The following SARAF variants were observed in gnomAD, a reference collection of about 807,000 sequenced individuals.
The protein encoded by SARAF is store-operated calcium entry-associated regulatory factor.
Under a neutral mutation model 39.7 loss-of-function variants are expected in SARAF, and 23 were observed. The ratio of observed to expected loss-of-function variants is 0.58; its 90% CI spans 0.42 to 0.82. The LOEUF (loss-of-function observed/expected upper bound fraction) is 0.82, where lower values mean the gene tolerates loss of function less well. SARAF is among the 40% of genes least tolerant of loss of function. The pLI is 0.00. For missense variants in SARAF, 384 were observed against 418.5 expected, an observed-to-expected ratio of 0.92 and a Z score of 0.72; for synonymous variants, 175 against 168.5, an observed-to-expected ratio of 1.04 and a Z score of -0.30.
At chr8:30,082,705 C>G (rs530914150) in intron 1 of SARAF, 142 bp downstream of exon 1, 61 of 601,502 alleles carry the variant, frequency 1.0e-4, no homozygotes, top group African/African-American at 9.9e-4. Flanking sequence ...AGGGAGAGCA[C>G]GAACAGCAAA....
intron 3 of SARAF, among the ~76,000 whole-genome samples, chr8:30,068,368 T>A (rs1801740680): frequency 6.6e-6 from 1 of 152,200 alleles, no homozygotes; most frequent in Non-Finnish European, 1.5e-5. Context: ...ATCTAATGCC[T>A]GATGATCTGT....
intron 1 of SARAF, among the ~76,000 whole-genome samples, chr8:30,076,492 C>T (rs1801968612): frequency 6.6e-6 from 1 of 152,240 alleles, no homozygotes; most frequent in Non-Finnish European, 1.5e-5. Flanking sequence ...ACACTGATAG[C>T]TTCCAATGAG....
At chr8:30,077,003 A>C (rs1322714270) in intron 1 of SARAF, among the ~76,000 whole-genome samples, 1 of 152,266 alleles carries the variant, frequency 6.6e-6, no homozygotes, top group Non-Finnish European at 1.5e-5. Flanking sequence ...GGAGGAAAAA[A>C]GAGATGACGC....
At chr8:30,082,791 G>T in intron 1 of SARAF, 56 bp downstream of exon 1, 1 of 1,374,372 alleles carries the variant, frequency 7.3e-7, no homozygotes, top group Non-Finnish European at 9.7e-7. Context: ...GCCTGCACCG[G>T]CTGACGGCGG....
chr8:30,074,873 TAGGTATTTCATAATTTTAAAAATCAAAA>T (rs1264654845), intron 1 of SARAF, among the ~76,000 whole-genome samples: 2 of 152,226 alleles, frequency 1.3e-5, no homozygotes, highest in East Asian at 3.8e-4. Flanking sequence ...TTAAATACTT[TAGGTATTTCATAATTTTAAAAATCAAAA>T]CTATTTAAAC....
Position 30,069,776 on chromosome 8 carries a change from A to AC in SARAF, c.565dup (p.Val189GlyfsTer3), listed in dbSNP as rs1188694298. The AC allele has an allele frequency of 3.1e-6, 5 of 1,614,174 alleles. No individual in the cohort carries two copies. Among genetic ancestry groups the AC allele is most frequent in the Non-Finnish European group, 4.2e-6 (5 of 1,180,012 alleles). On this transcript the variant is annotated frameshift_variant, in exon 3 of 6. Coordinates refer to ENST00000256255, the MANE Select transcript of SARAF (RefSeq NM_016127.6). LOFTEE classifies it high-confidence loss of function. ...CCCGTCACTCAGGAACAGCTTATAG[A>AC]CTACAAACGCGATCCCAAGGAGTAC...
chr8:30,070,199 G>A, intron 2 of SARAF, 140 bp from the exon 3 acceptor site: 1 of 711,714 alleles, frequency 1.4e-6, no homozygotes, highest in Non-Finnish European at 2.3e-6. Flanking sequence ...CACGCGGTCA[G>A]GAGTTCAAGA....
intron 1 of SARAF, 28 bp from the exon 2 acceptor site, chr8:30,074,083 C>T: frequency 6.2e-7 from 1 of 1,600,758 alleles, no homozygotes; most frequent in African/African-American, 1.3e-5. Context: ...CAGAGGAACA[C>T]AAAGTAAGTA....
At chr8:30,078,796 G>A (rs1802033501) in intron 1 of SARAF, among the ~76,000 whole-genome samples, 1 of 152,102 alleles carries the variant, frequency 6.6e-6, no homozygotes, top group African/African-American at 2.4e-5. Context: ...TTATGTTAAA[G>A]GTCCTGTGGA....
At chr8:30,075,639 C>G (rs544247210) in intron 1 of SARAF, among the ~76,000 whole-genome samples, 1 of 152,250 alleles carries the variant, frequency 6.6e-6, no homozygotes, top group Non-Finnish European at 1.5e-5. Flanking sequence ...TAATCAGCTT[C>G]CTGGCTGTCA....
chr8:30,073,519 A>G (rs1801891556), intron 2 of SARAF, among the ~76,000 whole-genome samples: 1 of 152,230 alleles, frequency 6.6e-6, no homozygotes, highest in South Asian at 2.1e-4. Flanking sequence ...ATAATTCCTA[A>G]TTATCTTAAC....
chr8:30,076,098 C>T (rs545899759), intron 1 of SARAF, among the ~76,000 whole-genome samples: 12 of 151,772 alleles, frequency 7.9e-5, no homozygotes, highest in Non-Finnish European at 1.3e-4. Context: ...ATTCCCAGAT[C>T]CTCTCCCCAA....
intron 5 of SARAF, chr8:30,065,640 C>A: frequency 9.1e-6 from 2 of 218,682 alleles, no homozygotes; most frequent in Non-Finnish European, 1.9e-5. Context: ...ACCTCAATAT[C>A]TTTTTTGAAT....
intron 3 of SARAF, among the ~76,000 whole-genome samples, chr8:30,069,270 G>C (rs1191075809): frequency 6.7e-6 from 1 of 150,228 alleles, no homozygotes; most frequent in African/African-American, 2.5e-5. Context: ...CTCCCAAGCA[G>C]CTGGAATCAC....
intron 4 of SARAF, among the ~76,000 whole-genome samples, chr8:30,066,342 A>C (rs1324478860): frequency 2.0e-5 from 3 of 152,226 alleles, no homozygotes; most frequent in African/African-American, 4.8e-5. Flanking sequence ...GAAAAGTGAC[A>C]GGGAGTCAAT....
chr8:30,071,636 A>AC (rs2117431231), intron 2 of SARAF, among the ~76,000 whole-genome samples: 1 of 152,310 alleles, frequency 6.6e-6, no homozygotes, highest in African/African-American at 2.4e-5. Flanking sequence ...CTCCCGCCGC[A>AC]CACCTCCCAA....
intron 2 of SARAF, 51 bp from the exon 3 acceptor site, chr8:30,070,110 T>A (rs751595890): frequency 6.8e-7 from 1 of 1,471,764 alleles, no homozygotes; most frequent in Admixed American, 2.1e-5. Flanking sequence ...TTTTTTCATT[T>A]AATATATGTT....
intron 1 of SARAF, among the ~76,000 whole-genome samples, chr8:30,080,078 C>T (rs11995756): frequency 0.98 from 149,631 of 152,250 alleles, 73,578 homozygotes; most frequent in Middle Eastern, 1. Context: ...AAACCTTGGA[C>T]TTCTCATCTT....
intron 3 of SARAF, among the ~76,000 whole-genome samples, chr8:30,067,298 G>A (rs1801713156): frequency 6.6e-6 from 1 of 152,156 alleles, no homozygotes; most frequent in Non-Finnish European, 1.5e-5. Flanking sequence ...CTCTAACCGA[G>A]GAATCCAAGG....
Sources: gnomAD v4.1 joint callset for allele counts (sites outside exome capture counted in the v4.1 genomes callset) on GRCh38, gnomAD v4.1.1 for gene constraint, MANE v1.5 for transcripts, NCBI Gene and HGNC (gene_info 2026-07-23, HGNC 2026-07-21) for gene names.